Variants in SCLT1 observed in about 807,000 individuals in gnomAD.
SCLT1 encodes sodium channel and clathrin linker 1.
Under a neutral mutation model 112.8 loss-of-function variants are expected in SCLT1, and 78 were observed. The ratio of observed to expected loss-of-function variants is 0.69; its 90% confidence interval spans 0.58 to 0.83. The LOEUF (loss-of-function observed/expected upper bound fraction) is 0.83, where lower values mean the gene tolerates loss of function less well. Among genes scored for constraint, SCLT1 ranks in the 40% least tolerant of loss-of-function variants. The probability of loss-of-function intolerance (pLI) is 0.00; values close to 1 mark genes in which losing one functional copy is unlikely to be tolerated. For missense variants in SCLT1, 747 were observed against 770.4 expected (o/e 0.97, Z 0.36); for synonymous variants, 257 against 254.7 (o/e 1.01, Z -0.09).
At chr4:128,960,869 G>A (rs1299210898) in intron 11 of SCLT1, among the ~76,000 whole-genome samples, 3 of 137,292 alleles carry the variant, frequency 2.2e-5, no homozygotes, top group South Asian at 2.4e-4. Flanking sequence ...GCAGTGAGCA[G>A]AGATTGCGCC....
intron 18 of SCLT1, among the ~76,000 whole-genome samples, chr4:128,918,352 T>C (rs1328269023): frequency 1.3e-5 from 2 of 152,142 alleles, no homozygotes; most frequent in East Asian, 1.9e-4. Context: ...ACTGAACTGA[T>C]AGAGCAGGAA....
chr4:129,053,089 G>A (rs1322113633), intron 2 of SCLT1, among the ~76,000 whole-genome samples: 1 of 152,186 alleles, frequency 6.6e-6, no homozygotes, highest in African/African-American at 2.4e-5. Context: ...TGTGTTCTGA[G>A]AGACTGTTTG....
intron 5 of SCLT1, chr4:128,873,745 A>AGATT (rs1203692584): frequency 2.0e-5 from 3 of 152,436 alleles, no homozygotes; most frequent in Non-Finnish European, 4.4e-5. Flanking sequence ...ACCAGTATTC[A>AGATT]GATTCCTGAT....
intron 9 of SCLT1, among the ~76,000 whole-genome samples, chr4:128,984,248 T>C (rs1191643166): frequency 6.6e-6 from 1 of 152,318 alleles, no homozygotes; most frequent in South Asian, 2.1e-4. Flanking sequence ...TCAAAGTATC[T>C]ACTCATCATA....
rs528871170 is a variant in SCLT1 at position 128,932,429 on chromosome 4, A to G, written c.1829+4226T>C. 2.8e-4 allele frequency among the ~76,000 whole-genome samples: 42 copies of G among 152,252 alleles called. No individual in the cohort carries two copies. The South Asian group carries it at 8.7e-3, about 32-fold the overall frequency. On this transcript the variant is annotated intron_variant, in intron 18 of 20. Coordinates refer to ENST00000281142, the MANE Select transcript of SCLT1 (RefSeq NM_144643.4). ...GAGATCATTCTTTGATTTTTTTCTA[A>G]AAAACATATTTCCTACCCAAAATAG... is the stretch of plus-strand genomic sequence containing the variant.
At chr4:129,025,679 G>A (rs1745990472) in intron 5 of SCLT1, among the ~76,000 whole-genome samples, 1 of 152,046 alleles carries the variant, frequency 6.6e-6, no homozygotes, top group South Asian at 2.1e-4. Context: ...ATAATGACAG[G>A]ATCAAATTCA....
At chr4:129,061,599 G>T (rs1372980887) in intron 2 of SCLT1, among the ~76,000 whole-genome samples, 1 of 152,162 alleles carries the variant, frequency 6.6e-6, no homozygotes, top group Admixed American at 6.5e-5. Flanking sequence ...ATTGCTCTGA[G>T]TGGCTAAGGT....
At chr4:129,084,125 G>C (rs2125778426) in intron 1 of SCLT1, among the ~76,000 whole-genome samples, 1 of 152,170 alleles carries the variant, frequency 6.6e-6, no homozygotes, top group East Asian at 1.9e-4. Context: ...CCTTGAATTA[G>C]GAATCACATA....
chr4:129,093,125 A>G lies in SCLT1; in HGVS notation c.-22T>C, dbSNP rs1489915279. 6.2e-7 allele frequency: 1 copy of G among 1,611,320 alleles called. No individual in the cohort carries two copies. Among genetic ancestry groups the G allele is most frequent in the Non-Finnish European group, 8.5e-7 (1 of 1,177,490 alleles). ...CCATTTCGATACAATTTTAGTTTAG[A>G]GCTTTCACCACCTTTACCTTCCTCT... On this transcript the variant is annotated 5_prime_UTR_variant, in exon 1 of 21. Coordinates refer to ENST00000281142, the MANE Select transcript of SCLT1 (RefSeq NM_144643.4).
At chr4:128,881,002 G>A (rs1732628910), downstream of SCLT1, among the ~76,000 whole-genome samples, 2 of 152,092 alleles carry the variant, frequency 1.3e-5, no homozygotes, top group Admixed American at 1.3e-4. Flanking sequence ...GAGCTAGAGG[G>A]TACCAGTGTT....
intron 2 of SCLT1, among the ~76,000 whole-genome samples, chr4:129,076,688 G>GA (rs142960307): frequency 6.6e-6 from 1 of 151,240 alleles, no homozygotes; most frequent in East Asian, 1.9e-4. Flanking sequence ...AAGTATTCAA[G>GA]AAAAAAAATG....
chr4:128,892,249 G>T (rs1733387485), intron 18 of SCLT1, among the ~76,000 whole-genome samples: 1 of 152,152 alleles, frequency 6.6e-6, no homozygotes, highest in African/African-American at 2.4e-5. Flanking sequence ...AGCCTTAAAA[G>T]TAATCTGAAC....
chr4:129,082,083 G>T (rs566922772), intron 2 of SCLT1, among the ~76,000 whole-genome samples: 11 of 152,134 alleles, frequency 7.2e-5, no homozygotes, highest in African/African-American at 2.7e-4. Flanking sequence ...GAACTCGAAT[G>T]AATTCCCATT....
At chr4:129,067,904 C>T (rs1750635406) in intron 2 of SCLT1, among the ~76,000 whole-genome samples, 1 of 149,622 alleles carries the variant, frequency 6.7e-6, no homozygotes, top group Non-Finnish European at 1.5e-5. Flanking sequence ...TGGGTAAGTT[C>T]TTTAGTGATG....
At chr4:129,016,349 G>A (rs111403947) in intron 5 of SCLT1, among the ~76,000 whole-genome samples, 1 of 139,914 alleles carries the variant, frequency 7.1e-6, no homozygotes, top group Admixed American at 7.3e-5. Flanking sequence ...AGGCCCCAGT[G>A]TGTTGTTCTG....
At chr4:129,022,393 C>T (rs575843564) in intron 5 of SCLT1, among the ~76,000 whole-genome samples, 1 of 152,126 alleles carries the variant, frequency 6.6e-6, no homozygotes, top group South Asian at 2.1e-4. Flanking sequence ...AAGCTAGGAA[C>T]CTTGACAAAA....
In SCLT1 at chr4:129,093,120, T is replaced by C. The variant is rs1561080144; in HGVS notation, c.-17A>G. ...TGCAGCCATTTCGATACAATTTTAG[T>C]TTAGAGCTTTCACCACCTTTACCTT... is the stretch of plus-strand genomic sequence containing the variant. On this transcript the variant is annotated 5_prime_UTR_variant, in exon 1 of 21. Coordinates refer to ENST00000281142, the MANE Select transcript of SCLT1 (RefSeq NM_144643.4). The C allele has an allele frequency of 6.2e-7, 1 of 1,612,544 alleles. No homozygotes were observed. The highest frequency in any genetic ancestry group is 2.2e-5 in the East Asian group (1 of 44,872).
intron 5 of SCLT1, among the ~76,000 whole-genome samples, chr4:129,035,056 T>C (rs138042487): frequency 6.6e-6 from 1 of 152,278 alleles, no homozygotes; most frequent in African/African-American, 2.4e-5. Flanking sequence ...GCCTGACATT[T>C]AGTAATCACT....
intron 18 of SCLT1, among the ~76,000 whole-genome samples, chr4:128,933,056 A>G (rs889498182): frequency 6.6e-6 from 1 of 152,304 alleles, no homozygotes; most frequent in African/African-American, 2.4e-5. Context: ...TGTAATGCCT[A>G]TCAAAATTCC....
Sources: gnomAD v4.1 joint callset for allele counts (sites outside exome capture counted in the v4.1 genomes callset) on GRCh38, gnomAD v4.1.1 for gene constraint, MANE v1.5 for transcripts, NCBI Gene and HGNC (gene_info 2026-07-23, HGNC 2026-07-21) for gene names.